MOK: variants seen among roughly 807,000 people sequenced by gnomAD.
The protein encoded by MOK is MOK protein kinase, also known as MAPK/MAK/MRK overlapping kinase.
Under a neutral mutation model 54.2 loss-of-function variants are expected in MOK, and 59 were observed. The ratio of observed to expected loss-of-function variants is 1.09; its 90% CI spans 0.88 to 1.35. MOK has a LOEUF of 1.35. MOK is among the 40% of genes most tolerant of loss of function. The pLI is 0.00. For missense variants in MOK, 517 were observed against 526.2 expected (o/e 0.98, Z 0.17); for synonymous variants, 210 against 202.7 (o/e 1.04, Z -0.31).
downstream of MOK, among the ~76,000 whole-genome samples, chr14:102,222,284 G>A: frequency 6.6e-6 from 1 of 152,206 alleles, no homozygotes; most frequent in East Asian, 1.9e-4. This position sits in a 1 kb window ranked among gnomAD's most constrained non-coding sequence, Gnocchi z 4.4. Context: ...TACCTGTGGG[G>A]CCTACACATG....
At chr14:102,220,564 C>T (rs1194999651), downstream of MOK, among the ~76,000 whole-genome samples, 1 of 151,914 alleles carries the variant, frequency 6.6e-6, no homozygotes, top group Non-Finnish European at 1.5e-5. The surrounding 1 kb of genome is among the most constrained non-coding windows in gnomAD (Gnocchi z 4.2). Flanking sequence ...ACTAAAACTA[C>T]AAAAAGTTAG....
At chr14:102,267,585 AT>A (rs1159162756) in intron 2 of MOK, among the ~76,000 whole-genome samples, 1 of 152,178 alleles carries the variant, frequency 6.6e-6, no homozygotes, top group Non-Finnish European at 1.5e-5. Flanking sequence ...ATAAATAAAT[AT>A]GTCTGAATAT....
intron 1 of MOK, among the ~76,000 whole-genome samples, chr14:102,290,747 G>T (rs2070686698): frequency 6.6e-6 from 1 of 152,026 alleles, no homozygotes; most frequent in Non-Finnish European, 1.5e-5. Context: ...AACCCTAATG[G>T]GTATTCCACA....
chr14:102,297,230 C>T (rs1281998462), intron 1 of MOK, among the ~76,000 whole-genome samples: 5 of 151,600 alleles, frequency 3.3e-5, no homozygotes, highest in African/African-American at 7.3e-5. Context: ...TGGTGGCGGG[C>T]GCCTGTAGTC....
rs2065584808 is a variant in MOK, at chr14:102,240,053, A to G, written c.591-6264T>C. On this transcript the variant is annotated intron_variant, in intron 7 of 11. Coordinates refer to ENST00000361847, the MANE Select transcript of MOK (RefSeq NM_014226.3). This position sits in a 1 kb window ranked among gnomAD's most constrained non-coding sequence, Gnocchi z 5.4. ...AGTGAAAATGGCCAGCCCTGCCTTAACTGATGACATTACCTTGTGAAATTC... is the reference window on the plus strand; with the variant it reads ...AGTGAAAATGGCCAGCCCTGCCTTAGCTGATGACATTACCTTGTGAAATTC... 6.6e-6 allele frequency among the ~76,000 whole-genome samples: 1 copy of G among 152,144 alleles called. No individual in the cohort carries two copies. The highest frequency in any genetic ancestry group is 2.4e-5 in the African/African-American group (1 of 41,434).
chr14:102,239,800 C>G (rs2065557040), intron 7 of MOK, among the ~76,000 whole-genome samples: 1 of 152,090 alleles, frequency 6.6e-6, no homozygotes, highest in Non-Finnish European at 1.5e-5. Context: ...ACCTGGGAGG[C>G]AAAGGTTGCA....
chr14:102,229,483 A>G lies in MOK; in HGVS notation c.1156T>C (p.Leu386=). The part of the protein sequence containing the change: ...TNGRVPVLRP[L]KCIPASKKTD... Reference sequence around the variant, plus strand: ...TTCTTGCTCGCAGGGATGCACTTCAAGGGTCTCAGCACCGGCACTCTTCCA... The same window carrying G: ...TTCTTGCTCGCAGGGATGCACTTCAGGGGTCTCAGCACCGGCACTCTTCCA... The change falls in exon 11 of 12, where the codon TTG becomes CTG. Residue 386 remains leucine (L), a synonymous_variant. Coordinates refer to ENST00000361847, the MANE Select transcript of MOK (RefSeq NM_014226.3). 6.2e-7 allele frequency: 1 copy of G among 1,614,176 alleles called. No individual in the cohort carries two copies. The highest frequency in any genetic ancestry group is 8.5e-7 in the Non-Finnish European group (1 of 1,180,026).
At chr14:102,295,470 G>C (rs1187273097) in intron 1 of MOK, among the ~76,000 whole-genome samples, 2 of 152,166 alleles carry the variant, frequency 1.3e-5, no homozygotes, top group Non-Finnish European at 2.9e-5. Flanking sequence ...TCTTAATCAG[G>C]GTGGGTGACA....
At chr14:102,241,438 G>A (rs768139203) in intron 7 of MOK, among the ~76,000 whole-genome samples, 14 of 152,194 alleles carry the variant, frequency 9.2e-5, no homozygotes, top group Non-Finnish European at 1.8e-4. Flanking sequence ...TTAAGGAGGT[G>A]GCTGGAGCCG....
intron 2 of MOK, among the ~76,000 whole-genome samples, chr14:102,274,523 C>G (rs1246336728): frequency 6.6e-6 from 1 of 151,544 alleles, no homozygotes; most frequent in East Asian, 2.0e-4. Flanking sequence ...TCCTAAAGTG[C>G]TGGGATTACA....
chr14:102,283,967 T>C (rs1476922607), intron 1 of MOK, among the ~76,000 whole-genome samples: 1 of 152,172 alleles, frequency 6.6e-6, no homozygotes, highest in Non-Finnish European at 1.5e-5. Flanking sequence ...CAGCAGCCTC[T>C]AAGGACCCTC....
Position 102,229,378 on chromosome 14 carries a change from A to G in MOK, c.1183-12T>C. On this transcript the variant is annotated splice_polypyrimidine_tract_variant and intron_variant, in intron 11 of 11. Coordinates refer to ENST00000361847, the MANE Select transcript of MOK (RefSeq NM_014226.3). ...TTCTGCGGATCTGTCTGTCAAAGAAAAATTACAGACACAAAATTCAGTGGC... is the reference window on the plus strand; with the variant it reads ...TTCTGCGGATCTGTCTGTCAAAGAAGAATTACAGACACAAAATTCAGTGGC... 1 of 1,614,212 alleles carries G rather than the reference A, an allele frequency of 6.2e-7. No individual in the cohort carries two copies. Among genetic ancestry groups the G allele is most frequent in the Admixed American group, 1.7e-5 (1 of 60,032 alleles).
intron 4 of MOK, 49 bp downstream of exon 4, chr14:102,263,497 C>T (rs375012999): frequency 5.0e-5 from 66 of 1,333,176 alleles, no homozygotes; most frequent in Non-Finnish European, 6.6e-5. Context: ...ATATGAATTA[C>T]AAGCCTTAAA....
rs117096423 is a variant in MOK, at chr14:102,236,587, G to C, written c.591-2798C>G. On this transcript the variant is annotated intron_variant, in intron 7 of 11. Transcript: ENST00000361847. This position sits in a 1 kb window ranked among gnomAD's most constrained non-coding sequence, Gnocchi z 4.5. ...TCACCTTTTTCTCCCTCCCTCAACC[G>C]GAGTCCCTCCTACTCCTCTATGCGA... Among the ~76,000 whole-genome samples, 773 of 151,958 alleles carry C rather than the reference G, an allele frequency of 5.1e-3. 4 individuals carry two copies. Among genetic ancestry groups the C allele is most frequent in the Middle Eastern group, 0.01 (3 of 294 alleles).
In MOK at chr14:102,229,290, T is replaced by TA; in HGVS notation, c.1258dup (p.Ter420LeufsTer23). On this transcript the variant is annotated frameshift_variant and stop_lost, in exon 12 of 12. Coordinates refer to ENST00000361847, the MANE Select transcript of MOK (RefSeq NM_014226.3). LOFTEE classifies it high-confidence loss of function. ...AGTCGAGACGACGGTGCTGCTCAGT[T>TA]ATCTTCCGCCTTTCCGCACTATGGT... is the stretch of plus-strand genomic sequence containing the variant. The TA allele has an allele frequency of 1.3e-6, 2 of 1,599,138 alleles. No homozygotes were observed. Among genetic ancestry groups the TA allele is most frequent in the Non-Finnish European group, 1.7e-6 (2 of 1,171,540 alleles).
intron 2 of MOK, among the ~76,000 whole-genome samples, chr14:102,278,994 T>C (rs1379004437): frequency 2.0e-5 from 3 of 152,228 alleles, no homozygotes; most frequent in Non-Finnish European, 4.4e-5. Flanking sequence ...ATGGGGTAGA[T>C]ACTGTGGTTA....
In MOK at chr14:102,229,323, C is replaced by A; in HGVS notation, c.1226G>T (p.Arg409Leu). The A allele has an allele frequency of 6.2e-7, 1 of 1,612,790 alleles. No homozygotes were observed. The highest frequency in any genetic ancestry group is 8.5e-7 in the Non-Finnish European group (1 of 1,179,274). The change falls in exon 12 of 12, where the codon CGC becomes CTC. Residue 409 changes from arginine to leucine, a missense_variant. By Grantham distance (102) the Arg-to-Leu change is moderately radical. Transcript: ENST00000361847. ...KDLKPAPQQC[R>L]LPTIVRKGGR ...GCCTTTCCGCACTATGGTGGGCAGG[C>A]GACACTGCTGCGGGGCAGGCTTAAG...
chr14:102,275,302 C>T (rs569727911), intron 2 of MOK, among the ~76,000 whole-genome samples: 9 of 152,306 alleles, frequency 5.9e-5, no homozygotes, highest in Non-Finnish European at 8.8e-5. Flanking sequence ...CGGCGGCTCA[C>T]GCCTGTAATC....
In MOK at chr14:102,261,419, ATAT is replaced by A. The variant is rs1269246254; in HGVS notation, c.283+2124_283+2126del. Reference sequence around the variant, plus strand: ...AAAAAAAAAAAAAAAAAAAAAAAAAATATATATATATATATATATATATATATA... The same window carrying A: ...AAAAAAAAAAAAAAAAAAAAAAAAAAATATATATATATATATATATATATA... On this transcript the variant is annotated intron_variant, in intron 4 of 11. Transcript: ENST00000361847. 7.9e-3 allele frequency among the ~76,000 whole-genome samples: 90 copies of A among 11,370 alleles called. 1 individual carries two copies. Among genetic ancestry groups the A allele is most frequent in the Non-Finnish European group, 0.013 (76 of 5,690 alleles). The allele number at this position is 11,370 out of a possible 152,430, so 7.5% of individuals were successfully genotyped here.
Sources: gnomAD v4.1 joint callset for allele counts (sites outside exome capture counted in the v4.1 genomes callset) on GRCh38, gnomAD v4.1.1 for gene constraint, Gnocchi (gnomAD v3.1) non-coding constraint, MANE v1.5 for transcripts, NCBI Gene and HGNC (gene_info 2026-07-23, HGNC 2026-07-21) for gene names.